Variants in PKHD1 observed in about 807,000 individuals in gnomAD.
PKHD1 encodes the protein fibrocystin.
A neutral mutation model predicts 412.0 loss-of-function variants in PKHD1; 291 were observed. That is an observed-to-expected ratio of 0.71 (90% CI 0.64 to 0.78). The LOEUF is 0.78. Ranked by LOEUF, PKHD1 falls within the 30% of genes least tolerant of loss-of-function variation. The probability of loss-of-function intolerance (pLI) is 0.00; values close to 1 mark genes in which losing one functional copy is unlikely to be tolerated. For synonymous variants in PKHD1, 1,777 were observed against 1,821.5 expected (o/e 0.98, Z 0.62); for missense variants, 4,825 against 4,950.7 (o/e 0.97, Z 0.76).
intron 63 of PKHD1, among the ~76,000 whole-genome samples, chr6:51,642,597 T>C (rs1309625240): frequency 2.0e-5 from 3 of 152,120 alleles, no homozygotes; most frequent in Non-Finnish European, 4.4e-5. Flanking sequence ...CCCGACACTT[T>C]GGGAGGCCAA....
At chr6:51,941,907 A>C (rs1256834107) in intron 36 of PKHD1, among the ~76,000 whole-genome samples, 1 of 151,522 alleles carries the variant, frequency 6.6e-6, no homozygotes, top group Non-Finnish European at 1.5e-5. Flanking sequence ...TACTTCAGTC[A>C]AGCCCAAATT....
chr6:51,766,487 A>G (rs1012505234), intron 55 of PKHD1, among the ~76,000 whole-genome samples: 1 of 152,074 alleles, frequency 6.6e-6, no homozygotes, highest in Non-Finnish European at 1.5e-5. Context: ...ATGGTATTCC[A>G]TTACTGTTTT....
chr6:51,819,123 C>A (rs1765956547), intron 52 of PKHD1, among the ~76,000 whole-genome samples: 1 of 152,172 alleles, frequency 6.6e-6, no homozygotes, highest in Non-Finnish European at 1.5e-5. Context: ...TGTGAGAACT[C>A]TTTGTACTCA....
chr6:52,038,452 T>C (rs868201557), intron 27 of PKHD1, among the ~76,000 whole-genome samples: 2 of 151,340 alleles, frequency 1.3e-5, no homozygotes, highest in Admixed American at 6.6e-5. Flanking sequence ...GGATACCATA[T>C]GAAGGTGAAG....
intron 50 of PKHD1, among the ~76,000 whole-genome samples, chr6:51,847,147 G>A (rs763250331): frequency 5.3e-5 from 8 of 151,726 alleles, no homozygotes; most frequent in Non-Finnish European, 4.4e-5. Context: ...TTTTTGTAGA[G>A]ATTAGGTCTC....
chr6:51,771,138 TG>T (rs1562274664), intron 55 of PKHD1, among the ~76,000 whole-genome samples: 1 of 152,046 alleles, frequency 6.6e-6, no homozygotes, highest in Non-Finnish European at 1.5e-5. Context: ...TATATATAAA[TG>T]TATGTATATT....
intron 21 of PKHD1, among the ~76,000 whole-genome samples, chr6:52,052,310 C>T (rs1212822963): frequency 6.6e-6 from 1 of 152,208 alleles, no homozygotes; most frequent in Non-Finnish European, 1.5e-5. Context: ...ACATCACACA[C>T]AGACACCTCA....
At chr6:51,880,779 TAAAA>T (rs71544105) in intron 46 of PKHD1, among the ~76,000 whole-genome samples, 6,049 of 30,274 alleles carry the variant, frequency 0.2, 549 homozygotes, top group East Asian at 0.39. Flanking sequence ...AAAAAAAAAT[TAAAA>T]AAAAAAAAAA....
chr6:52,027,421 A>G (rs1802361178), intron 31 of PKHD1, among the ~76,000 whole-genome samples: 1 of 151,874 alleles, frequency 6.6e-6, no homozygotes, highest in African/African-American at 2.4e-5. Context: ...AATTCCAGCT[A>G]CTTAGGAGAC....
intron 47 of PKHD1, among the ~76,000 whole-genome samples, chr6:51,868,403 C>T (rs1775430703): frequency 6.6e-6 from 1 of 152,018 alleles, no homozygotes; most frequent in South Asian, 2.1e-4. Flanking sequence ...ATTTTACCTT[C>T]CAAGAGACAT....
rs748137674 is a variant in PKHD1, at chr6:51,627,088, G to A, written c.11694C>T (p.Ser3898=). The part of the protein sequence containing the change: ...RKTKPEEIPE[S]QTNNQNIHIH... Reference sequence around the variant, plus strand: ...TATGAATATTTTGATTATTAGTCTGGGATTCAGGAATCTCTTCAGGTTTTG... The same window carrying A: ...TATGAATATTTTGATTATTAGTCTGAGATTCAGGAATCTCTTCAGGTTTTG... The change falls in exon 66 of 67, where the codon TCC becomes TCT. Residue 3898 remains serine (S), a synonymous_variant. Transcript: ENST00000371117. The A allele has an allele frequency of 6.2e-7, 1 of 1,610,870 alleles. No individual in the cohort carries two copies. Among genetic ancestry groups the A allele is most frequent in the Admixed American group, 1.7e-5 (1 of 59,916 alleles).
chr6:51,702,813 G>A (rs1779597979), intron 60 of PKHD1, among the ~76,000 whole-genome samples: 1 of 150,356 alleles, frequency 6.7e-6, no homozygotes, highest in Non-Finnish European at 1.5e-5. Context: ...TAAATGCACT[G>A]TTAAAAGAGA....
At chr6:51,728,480 C>T (rs1004988654) in intron 60 of PKHD1, among the ~76,000 whole-genome samples, 2 of 152,158 alleles carry the variant, frequency 1.3e-5, no homozygotes, top group African/African-American at 4.8e-5. Context: ...ATTTTGCTTC[C>T]TTTTATCACA....
intron 24 of PKHD1, 126 bp from the exon 25 acceptor site, chr6:52,045,214 G>T: frequency 1.1e-6 from 1 of 893,664 alleles, no homozygotes; most frequent in Non-Finnish European, 1.8e-6. Context: ...TGAAAGCAGA[G>T]TAACAGAGAA....
rs369289368 is a variant in PKHD1 at position 52,084,872 on chromosome 6, T to C, written c.52+10A>G. On this transcript the variant is annotated intron_variant, in intron 2 of 66. Transcript: ENST00000371117. ...TTACCTATAATTCCTTCAAAACACA[T>C]TCTACTGACCTGCCAAAAGTAGTAC... The C allele has an allele frequency of 4.5e-6, 7 of 1,561,666 alleles. No homozygotes were observed. The African/African-American group carries it at 6.8e-5, about 15-fold the overall frequency.
chr6:51,772,620 G>A, intron 55 of PKHD1, 82 bp downstream of exon 55: 1 of 707,880 alleles, frequency 1.4e-6, no homozygotes, highest in South Asian at 1.8e-5. Flanking sequence ...CTAAAAATCA[G>A]TTTCATATTG....
intron 7 of PKHD1, among the ~76,000 whole-genome samples, chr6:52,073,143 GA>G (rs1810871837): frequency 6.6e-6 from 1 of 152,092 alleles, no homozygotes; most frequent in Non-Finnish European, 1.5e-5. Context: ...ATTTTATAAA[GA>G]ATCTATTTCA....
chr6:51,937,160 G>A (rs375686509), intron 36 of PKHD1, among the ~76,000 whole-genome samples: 2 of 152,178 alleles, frequency 1.3e-5, no homozygotes, highest in East Asian at 3.8e-4. Context: ...CTTTAGATAA[G>A]TTAATAAGTT....
In PKHD1 at chr6:51,627,068, A is replaced by T. The variant is rs2661488; in HGVS notation, c.11714T>A (p.Ile3905Asn). 46,833 of 1,610,104 alleles carry T rather than the reference A, an allele frequency of 0.029. 975 individuals are homozygous for T. Among genetic ancestry groups the T allele is most frequent in the African/African-American group, 0.094 (7,026 of 74,810 alleles). Residue 3905 changes from isoleucine to asparagine, a missense_variant, in exon 66 of 67, where the codon ATT (isoleucine) becomes AAT (asparagine). Physicochemically the swap from Ile to Asn is moderately radical, Grantham distance 149. Coordinates refer to ENST00000371117, the MANE Select transcript of PKHD1 (RefSeq NM_138694.4). Reference sequence around the variant, plus strand: ...GCGTTTGGATGAGATGTGGATATGAATATTTTGATTATTAGTCTGGGATTC... The same window carrying T: ...GCGTTTGGATGAGATGTGGATATGATTATTTTGATTATTAGTCTGGGATTC... Reference protein sequence around the residue: ...IPESQTNNQNIHIHISSKRRE... With the variant: ...IPESQTNNQNNHIHISSKRRE...
Sources: gnomAD v4.1 joint callset for allele counts (sites outside exome capture counted in the v4.1 genomes callset) on GRCh38, gnomAD v4.1.1 for gene constraint, MANE v1.5 for transcripts, NCBI Gene and HGNC (gene_info 2026-07-23, HGNC 2026-07-21) for gene names.